Variants in OCRL observed in about 807,000 individuals in gnomAD.
OCRL encodes the protein OCRL inositol polyphosphate-5-phosphatase.
OCRL carries 8 observed loss-of-function variants against 78.9 expected under a neutral mutation model. The observed-to-expected ratio is 0.10, with a 90% CI of 0.06 to 0.18. OCRL has a LOEUF of 0.18. OCRL is among the 10% of genes least tolerant of loss of function. The pLI, the probability that OCRL is intolerant of heterozygous loss-of-function variation, is 1.00. For missense variants in OCRL, 454 were observed against 696.7 expected (o/e 0.65, Z 3.92); for synonymous variants, 240 against 235.4 (o/e 1.02, Z -0.18).
At chrX:129,561,690 A>G (rs1936147667) in intron 10 of OCRL, among the ~76,000 whole-genome samples, 1 of 111,868 alleles carries the variant, frequency 8.9e-6, no homozygotes, top group African/African-American at 3.2e-5. Context: ...GTGGAATTTG[A>G]ACGAGTTCTA....
chrX:129,554,781 G>A (rs780946270), intron 4 of OCRL, among the ~76,000 whole-genome samples: 254 of 108,052 alleles, frequency 2.4e-3, no homozygotes, highest in African/African-American at 8.4e-3. Flanking sequence ...GTGAAACCGC[G>A]TCTCTACTAA....
At chrX:129,551,623 A>G (rs987786320) in intron 4 of OCRL, among the ~76,000 whole-genome samples, 4 of 111,803 alleles carry the variant, frequency 3.6e-5, no homozygotes, top group African/African-American at 1.3e-4. Context: ...TTTAGTGAAG[A>G]CAGGATTTCA....
chrX:129,543,088 G>C (rs1195425431), intron 2 of OCRL, among the ~76,000 whole-genome samples: 1 of 111,997 alleles, frequency 8.9e-6, no homozygotes, highest in Non-Finnish European at 1.9e-5. Context: ...GGATAAGGCA[G>C]AGTTGGCATT....
intron 4 of OCRL, among the ~76,000 whole-genome samples, chrX:129,555,374 T>C (rs1602778987): frequency 1.8e-5 from 2 of 109,134 alleles, no homozygotes; most frequent in South Asian, 4.0e-4. Flanking sequence ...ACTCAGGAGG[T>C]TGATGCAGGA....
Position 129,557,888 on chromosome X carries a change from A to C in OCRL, c.377A>C (p.Gln126Pro), listed in dbSNP as rs1206710826. 1 of 1,204,599 alleles carries C rather than the reference A, an allele frequency of 8.3e-7. No individual in the cohort carries two copies. The highest frequency in any genetic ancestry group is 1.8e-5 in the South Asian group (1 of 56,839). ...KAQSQLLVPEQKDSSSWYQKL... is the reference protein window; with the variant it reads ...KAQSQLLVPEPKDSSSWYQKL... ...CAGTCACAGCTTCTTGTTCCAGAGCAAAAGGACTCATCTAGCTGGTACCAG... is the reference window on the plus strand; with the variant it reads ...CAGTCACAGCTTCTTGTTCCAGAGCCAAAGGACTCATCTAGCTGGTACCAG... Residue 126 changes from glutamine to proline, a missense_variant, in exon 6 of 24, where the codon CAA becomes CCA. Coordinates refer to ENST00000371113, the MANE Select transcript of OCRL (RefSeq NM_000276.4).
chrX:129,560,664 TC>T lies in OCRL; in HGVS notation c.824+14del, dbSNP rs1193313823. The T allele has an allele frequency of 9.3e-7, 1 of 1,078,837 alleles. No individual in the cohort carries two copies. Among genetic ancestry groups the T allele is most frequent in the Non-Finnish European group, 1.3e-6 (1 of 775,680 alleles). The allele number at this position is 1,078,837 out of a possible 1,213,427, so 88.9% of individuals were successfully genotyped here. On this transcript the variant is annotated intron_variant, in intron 9 of 23. Coordinates refer to ENST00000371113, the MANE Select transcript of OCRL (RefSeq NM_000276.4). ...TCTACTGCATTGGGTAAAGAACACTTCTGGAATTTCCTTTTGGCTATATGTT... is the reference window on the plus strand; with the variant it reads ...TCTACTGCATTGGGTAAAGAACACTTTGGAATTTCCTTTTGGCTATATGTT...
In OCRL at chrX:129,562,630, T is replaced by A; in HGVS notation, c.1088T>A (p.Val363Glu). ...GNKGGVAVRFVFHNTTFCIVN... is the reference protein window; with the variant it reads ...GNKGGVAVRFEFHNTTFCIVN... The stretch of plus-strand genomic sequence containing the variant: ...AAAGGTGGGGTAGCTGTGAGATTTG[T>A]ATTTCACAACACCACCTTTTGCATT... Residue 363 changes from valine (V) to glutamate (E), a missense_variant, in exon 12 of 24, where the codon GTA (valine) becomes GAA (glutamate). Physicochemically the swap from Val to Glu is moderately radical, Grantham distance 121 (BLOSUM62 -2). Around this residue, in one of 2 missense-constraint regions of OCRL, gnomAD observed 277 missense variants for 517.1 expected, o/e 0.54. Transcript: ENST00000371113. 2 of 1,211,634 alleles carry A rather than the reference T, an allele frequency of 1.7e-6. No individual in the cohort carries two copies. The highest frequency in any genetic ancestry group is 1.8e-5 in the South Asian group (1 of 57,009).
At position 129,582,613 on chromosome X, in the gene OCRL, A is replaced by G. The variant is rs150463460; in HGVS notation, c.2116-1731A>G. Among the ~76,000 whole-genome samples the G allele has an allele frequency of 9.8e-3, 1,102 of 112,410 alleles. 13 individuals are homozygous for G. The highest frequency in any genetic ancestry group is 0.034 in the African/African-American group (1,043 of 30,957). On this transcript the variant is annotated intron_variant, in intron 18 of 23. Transcript: ENST00000371113. ...ACAAGAGGTTCTAGTCTAAAATTGT[A>G]TCAGATGTTGGGCACTCAAAATCAA...
intron 21 of OCRL, 72 bp downstream of exon 21, chrX:129,588,335 A>G: frequency 1.4e-6 from 1 of 731,445 alleles, no homozygotes; most frequent in Non-Finnish European, 2.2e-6. Context: ...CCTATATTTG[A>G]TTTTTGTGGT....
chrX:129,576,970 A>T (rs1031506589), intron 18 of OCRL, among the ~76,000 whole-genome samples: 1 of 111,912 alleles, frequency 8.9e-6, no homozygotes, highest in Non-Finnish European at 1.9e-5. Flanking sequence ...CCAGAGTCAA[A>T]TACCATCAGT....
rs1014834613 is a variant in OCRL, at chrX:129,588,831, G to A, written c.2342-55G>A. 5 of 1,201,410 alleles carry A rather than the reference G, an allele frequency of 4.2e-6. No homozygotes were observed. The Admixed American group carries it at 1.1e-4, about 26-fold the overall frequency. ...GAGCTTGAGGAAAGGAGCTCGTCGG[G>A]GCTCTGTGTGGCCTTTCTCCTGGAG... On this transcript the variant is annotated intron_variant, in intron 21 of 23. Transcript: ENST00000371113.
chrX:129,589,458 TGCTAA>T lies in OCRL; in HGVS notation c.2470-385_2470-381del, dbSNP rs1936559555. The T allele has an allele frequency of 1.1e-5, 3 of 282,439 alleles. No individual in the cohort carries two copies. The South Asian group carries it at 1.2e-4, about 11-fold the overall frequency. The allele number at this position is 282,439 out of a possible 1,213,427, so 23.3% of individuals were successfully genotyped here. A position where few individuals can be genotyped will look rare whatever the true frequency, so the allele number is the denominator to read the frequency against. On this transcript the variant is annotated intron_variant, in intron 22 of 23. Coordinates refer to ENST00000371113, the MANE Select transcript of OCRL (RefSeq NM_000276.4). ...GAGTATTGAGAGGAGTCCCCATCCA[TGCTAA>T]GTGACATTGTAAAGAAAACCATTCA...
At chrX:129,569,197 A>C (rs754657570) in intron 14 of OCRL, 67 bp from the exon 15 acceptor site, 69 of 1,135,120 alleles carry the variant, frequency 6.1e-5, no homozygotes, top group Non-Finnish European at 7.7e-5. Context: ...CCTGATCTAA[A>C]CCAGTGTGGT....
chrX:129,584,505 T>G, intron 19 of OCRL, 138 bp downstream of exon 19: 4 of 535,380 alleles, frequency 7.5e-6, no homozygotes, highest in Non-Finnish European at 1.3e-5. Flanking sequence ...TCCTGCCGGC[T>G]GTCCTTAAGT....
intron 19 of OCRL, among the ~76,000 whole-genome samples, chrX:129,586,407 G>A (rs1255866132): frequency 3.6e-5 from 4 of 111,880 alleles, no homozygotes; most frequent in Non-Finnish European, 7.5e-5. Flanking sequence ...TAAGGCTTAC[G>A]AGTTTTAGCA....
chrX:129,588,029 A>T, intron 20 of OCRL, 150 bp from the exon 21 acceptor site: 1 of 501,354 alleles, frequency 2.0e-6, no homozygotes, highest in Non-Finnish European at 3.6e-6. Flanking sequence ...CTAAAGGAAA[A>T]ATGTGTTATT....
chrX:129,540,621 A>C, intron 1 of OCRL, 123 bp from the exon 2 acceptor site: 1 of 398,770 alleles, frequency 2.5e-6, no homozygotes, highest in Non-Finnish European at 3.7e-6. Context: ...CGGGAGACGA[A>C]GCAGGGCGGG....
intron 3 of OCRL, among the ~76,000 whole-genome samples, chrX:129,546,252 T>C (rs1422827821): frequency 8.9e-6 from 1 of 112,262 alleles, no homozygotes; most frequent in African/African-American, 3.2e-5. Context: ...TTTTTGTCTC[T>C]TCTACATGCT....
At chrX:129,575,769 G>T in intron 16 of OCRL, 128 bp from the exon 17 acceptor site, 1 of 758,660 alleles carries the variant, frequency 1.3e-6, no homozygotes, top group South Asian at 2.2e-5. Context: ...GGTTCAGTTG[G>T]TGAATGTCTA....
Sources: allele counts gnomAD v4.1 joint callset (sites outside exome capture counted in the v4.1 genomes callset), GRCh38; gene constraint gnomAD v4.1.1; regional missense constraint gnomAD v4.1.1; transcripts MANE v1.5; gene names NCBI Gene and HGNC (gene_info 2026-07-23, HGNC 2026-07-21).